The following ZEB1 variants were observed in gnomAD, a reference collection of about 807,000 sequenced individuals.
ZEB1 encodes zinc finger E-box-binding homeobox 1.
Under a neutral mutation model 84.9 loss-of-function variants are expected in ZEB1, and 21 were observed. That is an observed-to-expected ratio of 0.25 (90% CI 0.18 to 0.36). The LOEUF (loss-of-function observed/expected upper bound fraction) is 0.36, where lower values mean the gene tolerates loss of function less well. Among genes scored for constraint, ZEB1 ranks in the 10% least tolerant of loss-of-function variants. ZEB1 has a pLI of 1.00. For missense variants in ZEB1, 1,104 were observed against 1,330.2 expected (o/e 0.83, Z 2.65); for synonymous variants, 420 against 471.1 (o/e 0.89, Z 1.41).
At chr10:31,483,617 A>G (rs1302360663) in intron 2 of ZEB1, among the ~76,000 whole-genome samples, 1 of 152,052 alleles carries the variant, frequency 6.6e-6, no homozygotes, top group African/African-American at 2.4e-5. Flanking sequence ...TAATTACTAC[A>G]TTACTGGTGA....
intron 1 of ZEB1, among the ~76,000 whole-genome samples, chr10:31,452,742 T>TGTGTGTGTGTGTGTGAGAGA (rs1387786622): frequency 1.1e-5 from 1 of 90,736 alleles, no homozygotes; most frequent in Non-Finnish European, 2.1e-5. Context: ...TGTGTGTGTG[T>TGTGTGTGTGTGTGTGAGAGA]GAGAGAGAGA....
At chr10:31,452,818 A>T (rs1223009451) in intron 1 of ZEB1, among the ~76,000 whole-genome samples, 1 of 151,144 alleles carries the variant, frequency 6.6e-6, no homozygotes, top group Non-Finnish European at 1.5e-5. Context: ...TAATGGATGG[A>T]AACACTTGGT....
chr10:31,459,830 AGTGTGT>A (rs3086581), intron 1 of ZEB1, among the ~76,000 whole-genome samples: 17,978 of 129,696 alleles, frequency 0.14, 1,204 homozygotes, highest in African/African-American at 0.19. Context: ...TGTTCTCAGG[AGTGTGT>A]GTGTGTGTGT....
intron 1 of ZEB1, among the ~76,000 whole-genome samples, chr10:31,323,303 T>C (rs2034593551): frequency 6.6e-6 from 1 of 152,106 alleles, no homozygotes; most frequent in African/African-American, 2.4e-5. Context: ...ATTTTAGATG[T>C]TAAAATACAT....
chr10:31,474,330 C>T (rs2138116321), intron 2 of ZEB1, among the ~76,000 whole-genome samples: 1 of 151,706 alleles, frequency 6.6e-6, no homozygotes, highest in African/African-American at 2.4e-5. Flanking sequence ...GGGCTAATAT[C>T]CAGAATCTAC....
intron 1 of ZEB1, among the ~76,000 whole-genome samples, chr10:31,447,561 C>T (rs1395461883): frequency 7.4e-6 from 1 of 134,844 alleles, no homozygotes; most frequent in African/African-American, 2.8e-5. Context: ...ACCGGTTGTT[C>T]CTTTCCATGT....
At chr10:31,345,873 C>T (rs927037632) in intron 1 of ZEB1, among the ~76,000 whole-genome samples, 2 of 152,066 alleles carry the variant, frequency 1.3e-5, no homozygotes, top group Admixed American at 1.3e-4. Context: ...TTTCCTTCTT[C>T]CAAAGATGCC....
intron 1 of ZEB1, among the ~76,000 whole-genome samples, chr10:31,346,761 T>A (rs2040391799): frequency 6.6e-6 from 1 of 152,146 alleles, no homozygotes; most frequent in South Asian, 2.1e-4. Context: ...AACTTAAATC[T>A]TGTCAAATTA....
intron 1 of ZEB1, among the ~76,000 whole-genome samples, chr10:31,381,463 A>G (rs2047616216): frequency 6.6e-6 from 1 of 152,212 alleles, no homozygotes; most frequent in African/African-American, 2.4e-5. Flanking sequence ...TAAGATTCAA[A>G]TAAAAGCAGA....
upstream of ZEB1, chr10:31,319,150 G>C: frequency 2.3e-6 from 2 of 872,758 alleles, no homozygotes; most frequent in East Asian, 6.3e-5. Flanking sequence ...TGGGGAGGGG[G>C]GAGGGGTGGA....
intron 2 of ZEB1, among the ~76,000 whole-genome samples, chr10:31,462,354 G>A (rs552840470): frequency 2.2e-4 from 33 of 152,262 alleles, no homozygotes; most frequent in Non-Finnish European, 3.7e-4. Flanking sequence ...TTGCAACTGT[G>A]GATAAGACTC....
chr10:31,400,467 G>C (rs2135470693), intron 1 of ZEB1, among the ~76,000 whole-genome samples: 1 of 151,918 alleles, frequency 6.6e-6, no homozygotes, highest in East Asian at 1.9e-4. Context: ...TTTTTGCACA[G>C]ATCCTTAGCT....
chr10:31,376,581 T>C (rs1365157354), intron 1 of ZEB1, among the ~76,000 whole-genome samples: 1 of 151,704 alleles, frequency 6.6e-6, no homozygotes, highest in Non-Finnish European at 1.5e-5. Context: ...GTTGTAATAG[T>C]TAAGAAGTTG....
rs778486221 is a variant in ZEB1 at position 31,495,757 on chromosome 10, AT to A, written c.260-16del. On this transcript the variant is annotated intron_variant, in intron 2 of 8. Coordinates refer to ENST00000424869, the MANE Select transcript of ZEB1 (RefSeq NM_001174096.2). ...TTAGGAACACTATAGATCTATTTTAATTTCTTCTTTGATTTCAGCAGGAAAG... is the reference window on the plus strand; with the variant it reads ...TTAGGAACACTATAGATCTATTTTAATTCTTCTTTGATTTCAGCAGGAAAG... 1 of 1,612,276 alleles carries A rather than the reference AT, an allele frequency of 6.2e-7. No individual in the cohort carries two copies. The highest frequency in any genetic ancestry group is 1.3e-5 in the African/African-American group (1 of 74,810).
intron 1 of ZEB1, among the ~76,000 whole-genome samples, chr10:31,362,239 G>T (rs1435056857): frequency 1.4e-5 from 2 of 145,388 alleles, no homozygotes; most frequent in Non-Finnish European, 3.0e-5. Context: ...CCCAGATGGG[G>T]TGGAGGCCAG....
At position 31,528,245 on chromosome 10, in the gene ZEB1, C is replaced by T. The variant is rs139194135; in HGVS notation, c.*981C>T. The T allele has an allele frequency of 7.9e-5, 12 of 152,256 alleles. No homozygotes were observed. In the East Asian group the frequency reaches 9.6e-4, roughly 12 times the overall value. The allele number at this position is 152,256 out of a possible 1,614,324, so 9.4% of individuals were successfully genotyped here. On this transcript the variant is annotated 3_prime_UTR_variant, in exon 9 of 9. Transcript: ENST00000424869. The stretch of plus-strand genomic sequence containing the variant: ...GATTTGTCTCTTGTATCAAAATTCC[C>T]AAATAAAACTTAAAACCACTGACTC...
chr10:31,377,514 A>C (rs1272671988), intron 1 of ZEB1, among the ~76,000 whole-genome samples: 1 of 151,802 alleles, frequency 6.6e-6, no homozygotes, highest in Non-Finnish European at 1.5e-5. Context: ...AATGAGAGGA[A>C]TTCATTAAGG....
intron 1 of ZEB1, among the ~76,000 whole-genome samples, chr10:31,379,376 G>A (rs559294189): frequency 1.3e-5 from 2 of 151,670 alleles, no homozygotes; most frequent in African/African-American, 2.4e-5. Context: ...CTTTCCTAAG[G>A]TATTGTTGGA....
At chr10:31,423,448 T>C (rs2136087925) in intron 1 of ZEB1, among the ~76,000 whole-genome samples, 1 of 152,282 alleles carries the variant, frequency 6.6e-6, no homozygotes, top group Non-Finnish European at 1.5e-5. Context: ...GCATGTAATT[T>C]TTTAAAAGAT....
Sources: gnomAD v4.1 joint callset for allele counts (sites outside exome capture counted in the v4.1 genomes callset) on GRCh38, gnomAD v4.1.1 for gene constraint, MANE v1.5 for transcripts, NCBI Gene and HGNC (gene_info 2026-07-23, HGNC 2026-07-21) for gene names.